MYO1B: variants seen among roughly 807,000 people sequenced by gnomAD.
MYO1B encodes the protein unconventional myosin-Ib.
In MYO1B, 72 loss-of-function variants were observed where a neutral mutation model predicts 159.7. The ratio of observed to expected loss-of-function variants is 0.45; its 90% CI spans 0.37 to 0.55. The LOEUF (loss-of-function observed/expected upper bound fraction) is 0.55, where lower values mean the gene tolerates loss of function less well. MYO1B is among the 20% of genes least tolerant of loss of function. The probability of loss-of-function intolerance (pLI) is 0.00; values close to 1 mark genes in which losing one functional copy is unlikely to be tolerated. For synonymous variants in MYO1B, 468 were observed against 473.8 expected (o/e 0.99, Z 0.16); for missense variants, 1,062 against 1,364.8 (o/e 0.78, Z 3.50).
chr2:191,348,723 C>CTGTA (rs1246414988), intron 6 of MYO1B, among the ~76,000 whole-genome samples: 1 of 152,230 alleles, frequency 6.6e-6, no homozygotes, highest in Non-Finnish European at 1.5e-5. Flanking sequence ...CCACTAATCA[C>CTGTA]TGTAGCCACC....
chr2:191,304,017 G>T (rs917852894), intron 3 of MYO1B, among the ~76,000 whole-genome samples: 3 of 152,154 alleles, frequency 2.0e-5, no homozygotes, highest in African/African-American at 7.2e-5. Context: ...TGTCAGTCTT[G>T]GGGGATATTT....
At chr2:191,293,339 G>A (rs1417817223) in intron 2 of MYO1B, among the ~76,000 whole-genome samples, 3 of 152,194 alleles carry the variant, frequency 2.0e-5, no homozygotes, top group South Asian at 4.1e-4. Flanking sequence ...GACATTTAGG[G>A]ATTTGTTAAA....
At position 191,346,547 on chromosome 2, in the gene MYO1B, A is replaced by G. The variant is rs553249364; in HGVS notation, c.498+265A>G. Among the ~76,000 whole-genome samples the G allele has an allele frequency of 2.6e-5, 4 of 152,318 alleles. No individual in the cohort carries two copies. The East Asian group carries it at 5.8e-4, about 22-fold the overall frequency. ...ATAAGCAATTTAAATGAGGCTATTT[A>G]GAGTAACACTTTGCTTATCTGAGTT... is the stretch of plus-strand genomic sequence containing the variant. On this transcript the variant is annotated intron_variant, in intron 6 of 30. Transcript: ENST00000392318.
At chr2:191,391,866 A>G (rs1488216221) in intron 18 of MYO1B, among the ~76,000 whole-genome samples, 1 of 152,232 alleles carries the variant, frequency 6.6e-6, no homozygotes, top group African/African-American at 2.4e-5. Context: ...AAATCAAGAA[A>G]TTGGCTTTAA....
chr2:191,300,362 CG>C (rs1252606713), intron 3 of MYO1B, among the ~76,000 whole-genome samples: 1 of 142,724 alleles, frequency 7.0e-6, no homozygotes, highest in Non-Finnish European at 1.5e-5. Flanking sequence ...TTTTTTGAGT[CG>C]GAGTCTCGCT....
chr2:191,405,793 A>C (rs1696881919), intron 24 of MYO1B, among the ~76,000 whole-genome samples: 1 of 152,250 alleles, frequency 6.6e-6, no homozygotes, highest in African/African-American at 2.4e-5. Context: ...TTGTTGTTCC[A>C]TTTATGGAGC....
intron 13 of MYO1B, among the ~76,000 whole-genome samples, chr2:191,378,985 T>TA (rs1694884503): frequency 6.6e-6 from 1 of 152,304 alleles, no homozygotes; most frequent in East Asian, 1.9e-4. Context: ...TCAGGCAAGT[T>TA]ATATGATGTA....
chr2:191,397,728 G>C (rs1354598866), intron 21 of MYO1B, among the ~76,000 whole-genome samples: 2 of 144,910 alleles, frequency 1.4e-5, no homozygotes, highest in Non-Finnish European at 3.0e-5. Context: ...AGACGGGGTC[G>C]TGGCCGGGCA....
At chr2:191,378,116 A>G (rs528891478) in intron 13 of MYO1B, among the ~76,000 whole-genome samples, 1 of 151,828 alleles carries the variant, frequency 6.6e-6, no homozygotes, top group South Asian at 2.1e-4. Flanking sequence ...TTGGTTTTTG[A>G]AAAGGAGCCT....
In MYO1B at chr2:191,334,155, G is replaced by A. The variant is rs1000842096; in HGVS notation, c.346+4126G>A. Among the ~76,000 whole-genome samples the A allele has an allele frequency of 7.4e-5, 11 of 148,734 alleles. No homozygotes were observed. In the South Asian group the frequency reaches 1.7e-3, roughly 23 times the overall value. On this transcript the variant is annotated intron_variant, in intron 4 of 30. Transcript: ENST00000392318. ...TAGGATATTCTAATTGTATCAATTC[G>A]TTCCTAAATGAGTCATCAGAAGTGG...
intron 18 of MYO1B, 22 bp from the exon 19 acceptor site, chr2:191,392,084 CTG>C: frequency 6.4e-7 from 1 of 1,552,302 alleles, no homozygotes; most frequent in Non-Finnish European, 8.8e-7. Flanking sequence ...AGAAAACTCA[CTG>C]TTTTTATTTT....
chr2:191,339,681 C>G (rs1692087669), intron 4 of MYO1B, among the ~76,000 whole-genome samples: 1 of 152,166 alleles, frequency 6.6e-6, no homozygotes, highest in Non-Finnish European at 1.5e-5. Flanking sequence ...CACCTAATGT[C>G]CCACCATAGT....
intron 2 of MYO1B, among the ~76,000 whole-genome samples, chr2:191,291,898 G>A (rs939824788): frequency 7.2e-5 from 11 of 152,172 alleles, no homozygotes; most frequent in Admixed American, 3.9e-4. Flanking sequence ...GAGTAGAAAT[G>A]TTAAACCCCA....
At position 191,253,064 on chromosome 2, in the gene MYO1B, A is replaced by AAC. The variant is rs536574136; in HGVS notation, c.-10+7439_-10+7440insCA. On this transcript the variant is annotated intron_variant, in intron 1 of 30. Transcript: ENST00000392318. Reference sequence around the variant, plus strand: ...TCCATAAAAAATTAGTAAGTTGGAAAAAAAAACAAAAAACAAAAAAATACC... The same window carrying AAC: ...TCCATAAAAAATTAGTAAGTTGGAAAACAAAAAACAAAAAACAAAAAAATACC... Among the ~76,000 whole-genome samples the AAC allele has an allele frequency of 2.0e-4, 30 of 152,090 alleles. No individual in the cohort carries two copies. The East Asian group carries it at 5.4e-3, about 27-fold the overall frequency.
intron 2 of MYO1B, among the ~76,000 whole-genome samples, chr2:191,291,503 C>T (rs1688684962): frequency 6.6e-6 from 1 of 152,090 alleles, no homozygotes; most frequent in Non-Finnish European, 1.5e-5. Context: ...TCTTTCCTTT[C>T]TTTTCCCTTC....
intron 1 of MYO1B, among the ~76,000 whole-genome samples, chr2:191,247,673 T>C (rs749845135): frequency 3.9e-5 from 6 of 152,270 alleles, no homozygotes; most frequent in South Asian, 2.1e-4. Flanking sequence ...TTTTCACTTA[T>C]GCTGTGAATT....
At chr2:191,367,753 TAAG>T (rs1289676009) in intron 11 of MYO1B, among the ~76,000 whole-genome samples, 4 of 152,148 alleles carry the variant, frequency 2.6e-5, no homozygotes, top group African/African-American at 9.7e-5. Flanking sequence ...CTTGAATTTA[TAAG>T]AAGAAAAAGG....
At chr2:191,260,263 T>TTTTTTTTTTTTTTTTG in intron 1 of MYO1B, among the ~76,000 whole-genome samples, 1 of 143,484 alleles carries the variant, frequency 7.0e-6, no homozygotes. Context: ...GCTTTTTTTT[T>TTTTTTTTTTTTTTTTG]TTTTGAATTA....
intron 6 of MYO1B, among the ~76,000 whole-genome samples, chr2:191,346,749 G>T (rs143179141): frequency 1.3e-5 from 2 of 152,166 alleles, no homozygotes; most frequent in Non-Finnish European, 2.9e-5. Flanking sequence ...AAGCATGTGG[G>T]GTGAGCGTGG....
Sources: allele counts gnomAD v4.1 joint callset (sites outside exome capture counted in the v4.1 genomes callset), GRCh38; gene constraint gnomAD v4.1.1; transcripts MANE v1.5; gene names NCBI Gene and HGNC (gene_info 2026-07-23, HGNC 2026-07-21).